LRRC8D: variants seen among roughly 807,000 people sequenced by gnomAD.
LRRC8D encodes volume-regulated anion channel subunit LRRC8D.
LRRC8D carries 20 observed loss-of-function variants against 55.8 expected under a neutral mutation model. The ratio of observed to expected loss-of-function variants is 0.36; its 90% CI spans 0.25 to 0.52. The LOEUF (loss-of-function observed/expected upper bound fraction) is 0.52, where lower values mean the gene tolerates loss of function less well. Ranked by LOEUF, LRRC8D falls within the 20% of genes least tolerant of loss-of-function variation. The pLI is 0.93. For missense variants in LRRC8D, 651 were observed against 1,030.8 expected (o/e 0.63, Z 5.05); for synonymous variants, 352 against 377.0 (o/e 0.93, Z 0.77).
At chr1:89,889,266 A>G (rs1369806386) in intron 2 of LRRC8D, among the ~76,000 whole-genome samples, 1 of 152,206 alleles carries the variant, frequency 6.6e-6, no homozygotes, top group Non-Finnish European at 1.5e-5. Flanking sequence ...ATACCTGACC[A>G]GTACTCCTCA....
chr1:89,909,348 GT>G (rs571095130), intron 2 of LRRC8D, among the ~76,000 whole-genome samples: 49 of 152,132 alleles, frequency 3.2e-4, no homozygotes, highest in African/African-American at 1.1e-3. Flanking sequence ...ACATATCATT[GT>G]TTACAGACAG....
At chr1:89,929,488 C>T (rs940412810) in intron 2 of LRRC8D, among the ~76,000 whole-genome samples, 2 of 152,142 alleles carry the variant, frequency 1.3e-5, no homozygotes, top group Non-Finnish European at 1.5e-5. Flanking sequence ...AGCAGAAAGA[C>T]CAGTTGTAAT....
intron 2 of LRRC8D, among the ~76,000 whole-genome samples, chr1:89,920,324 A>T (rs1663378466): frequency 6.6e-6 from 1 of 152,238 alleles, no homozygotes; most frequent in African/African-American, 2.4e-5. Flanking sequence ...TTCACAAGTT[A>T]TGAATTTTCT....
chr1:89,936,430 AAATAAAAATTTT>A lies in LRRC8D; in HGVS notation c.*789_*800del, dbSNP rs1474274458. 1 of 160,716 alleles carries A rather than the reference AAATAAAAATTTT, an allele frequency of 6.2e-6. No individual in the cohort carries two copies. The highest frequency in any genetic ancestry group is 6.5e-5 in the Admixed American group (1 of 15,280). 10.0% of individuals were successfully genotyped at this position (160,716 alleles called of 1,614,324 possible). ...TCTAAAAATAAATTTTATTACAACA[AAATAAAAATTTT>A]AATGACTTATTAACACAACCTCCAG... is the stretch of plus-strand genomic sequence containing the variant. On this transcript the variant is annotated 3_prime_UTR_variant, in exon 3 of 3. Transcript: ENST00000337338.
At chr1:89,849,553 A>G (rs545224005) in intron 2 of LRRC8D, among the ~76,000 whole-genome samples, 29 of 152,178 alleles carry the variant, frequency 1.9e-4, no homozygotes, top group Non-Finnish European at 3.4e-4. Flanking sequence ...GATTATACCT[A>G]ATCAATTATA....
chr1:89,855,432 A>G (rs1661528494), intron 2 of LRRC8D, among the ~76,000 whole-genome samples: 1 of 152,222 alleles, frequency 6.6e-6, no homozygotes, highest in Admixed American at 6.5e-5. Flanking sequence ...TATTGTAATA[A>G]TTTAACAAGC....
chr1:89,916,784 AG>A (rs1190565221), intron 2 of LRRC8D, among the ~76,000 whole-genome samples: 1 of 151,650 alleles, frequency 6.6e-6, no homozygotes, highest in Non-Finnish European at 1.5e-5. Flanking sequence ...GGTTTTCCTC[AG>A]GGGCCGCCAC....
At chr1:89,832,221 CTCT>C (rs1271054341) in intron 1 of LRRC8D, among the ~76,000 whole-genome samples, 1 of 152,202 alleles carries the variant, frequency 6.6e-6, no homozygotes. Context: ...TACATACACC[CTCT>C]TTGAAAGAGA....
At chr1:89,896,001 A>G (rs1327526311) in intron 2 of LRRC8D, among the ~76,000 whole-genome samples, 2 of 152,274 alleles carry the variant, frequency 1.3e-5, no homozygotes, top group Non-Finnish European at 2.9e-5. Flanking sequence ...TAGAACCTTT[A>G]TTAGACATTG....
chr1:89,912,453 G>A (rs1001344804), intron 2 of LRRC8D, among the ~76,000 whole-genome samples: 3 of 123,642 alleles, frequency 2.4e-5, no homozygotes, highest in Non-Finnish European at 4.7e-5. Context: ...GGACTATCTT[G>A]TTCTCCAATA....
intron 2 of LRRC8D, among the ~76,000 whole-genome samples, chr1:89,856,184 CT>C (rs1337744396): frequency 6.6e-6 from 1 of 152,074 alleles, no homozygotes; most frequent in South Asian, 2.1e-4. Context: ...AACCAGCTGA[CT>C]TTTTTTATCT....
At chr1:89,883,859 GA>G (rs1466898596) in intron 2 of LRRC8D, among the ~76,000 whole-genome samples, 5 of 152,198 alleles carry the variant, frequency 3.3e-5, no homozygotes, top group African/African-American at 4.8e-5. Flanking sequence ...AGCAGCCTGT[GA>G]ATCTGTCAGT....
intron 2 of LRRC8D, among the ~76,000 whole-genome samples, chr1:89,878,796 T>G (rs1188055600): frequency 2.6e-5 from 4 of 151,944 alleles, no homozygotes; most frequent in Non-Finnish European, 4.4e-5. Flanking sequence ...TGAAACCCTG[T>G]CTCTACTAAA....
intron 2 of LRRC8D, among the ~76,000 whole-genome samples, chr1:89,849,909 T>C (rs904868802): frequency 2.0e-5 from 3 of 152,194 alleles, no homozygotes; most frequent in Non-Finnish European, 4.4e-5. Context: ...CTCATCACTT[T>C]ATATTATTAT....
chr1:89,821,963 G>A (rs763737407), intron 1 of LRRC8D: 4 of 152,274 alleles, frequency 2.6e-5, no homozygotes, highest in Non-Finnish European at 5.9e-5. Context: ...GCTCTTGGGA[G>A]CGGGACTTCT....
chr1:89,842,083 T>G (rs1661147508), intron 1 of LRRC8D, among the ~76,000 whole-genome samples: 1 of 151,860 alleles, frequency 6.6e-6, no homozygotes, highest in Non-Finnish European at 1.5e-5. Flanking sequence ...CATGGTGGCG[T>G]GTGCCTGTAG....
At chr1:89,850,928 G>A (rs994596560) in intron 2 of LRRC8D, among the ~76,000 whole-genome samples, 2 of 152,086 alleles carry the variant, frequency 1.3e-5, no homozygotes, top group African/African-American at 4.8e-5. Context: ...ACTTTTTGCA[G>A]CTACACATTT....
intron 2 of LRRC8D, among the ~76,000 whole-genome samples, chr1:89,888,766 G>C (rs1462132804): frequency 6.6e-6 from 1 of 152,162 alleles, no homozygotes; most frequent in East Asian, 1.9e-4. Flanking sequence ...GTTTATCAGA[G>C]GGACACAGGA....
At chr1:89,892,799 C>T (rs977357897) in intron 2 of LRRC8D, among the ~76,000 whole-genome samples, 14 of 152,274 alleles carry the variant, frequency 9.2e-5, no homozygotes, top group Non-Finnish European at 1.6e-4. Flanking sequence ...GGATTACAGG[C>T]GTGAGCCACT....
Sources: allele counts gnomAD v4.1 joint callset (sites outside exome capture counted in the v4.1 genomes callset), GRCh38; gene constraint gnomAD v4.1.1; transcripts MANE v1.5; gene names NCBI Gene and HGNC (gene_info 2026-07-23, HGNC 2026-07-21).